Variants in ABLIM2 observed in about 807,000 individuals in gnomAD.
ABLIM2 encodes the protein actin binding LIM protein family member 2.
A neutral mutation model predicts 97.7 loss-of-function variants in ABLIM2; 53 were observed. The observed-to-expected ratio is 0.54, with a 90% CI of 0.44 to 0.68. ABLIM2 has a LOEUF of 0.68. Ranked by LOEUF, ABLIM2 falls within the 30% of genes least tolerant of loss-of-function variation. ABLIM2 has a pLI of 0.00. For synonymous variants in ABLIM2, 361 were observed against 345.8 expected, an observed-to-expected ratio of 1.04 and a Z score of -0.49; for missense variants, 835 against 867.2, an observed-to-expected ratio of 0.96 and a Z score of 0.47.
chr4:8,084,323 C>T (rs1821885667), intron 4 of ABLIM2, among the ~76,000 whole-genome samples: 1 of 152,156 alleles, frequency 6.6e-6, no homozygotes, highest in South Asian at 2.1e-4. Flanking sequence ...CCCAGGCGCA[C>T]CCAGGGGTTC....
At position 8,069,639 on chromosome 4, in the gene ABLIM2, T is replaced by C. The variant is rs866301528; in HGVS notation, c.675+7989A>G. 7.1e-4 allele frequency among the ~76,000 whole-genome samples: 108 copies of C among 152,098 alleles called. 1 individual carries two copies. In the Middle Eastern group the frequency reaches 0.027, roughly 38 times the overall value. Reference sequence around the variant, plus strand: ...TCCGTGTGTCTGTGTGTGCATCGTGTGTGCTGTCTTGGTTGTCTGTGTGCA... The same window carrying C: ...TCCGTGTGTCTGTGTGTGCATCGTGCGTGCTGTCTTGGTTGTCTGTGTGCA... On this transcript the variant is annotated intron_variant, in intron 6 of 20. Coordinates refer to ENST00000447017, the MANE Select transcript of ABLIM2 (RefSeq NM_001130083.2). This position sits in a 1 kb window ranked among gnomAD's most constrained non-coding sequence, Gnocchi z 4.2.
chr4:7,983,639 G>A, intron 18 of ABLIM2, 85 bp from the exon 19 acceptor site: 4 of 1,529,546 alleles, frequency 2.6e-6, no homozygotes. Context: ...CTGCCCTGGG[G>A]TACCCCTGTC....
In ABLIM2 at chr4:8,071,724, G is replaced by C. The variant is rs1812315086; in HGVS notation, c.675+5904C>G. 1.4e-5 allele frequency: 14 copies of C among 982,388 alleles called. No individual in the cohort carries two copies. Among genetic ancestry groups the C allele is most frequent in the Non-Finnish European group, 1.7e-5 (14 of 828,384 alleles). The allele number at this position is 982,388 out of a possible 1,614,324, so 60.9% of individuals were successfully genotyped here. ...CCACCCGCAGCCCCTCCTGGCCCCT[G>C]TGAGCCCCCATCAGCCCCTTGGAGT... On this transcript the variant is annotated intron_variant, in intron 6 of 20. Transcript: ENST00000447017. This position sits in a 1 kb window ranked among gnomAD's most constrained non-coding sequence, Gnocchi z 6.2.
rs1355369759 is a variant in ABLIM2, at chr4:8,087,502, T to G, written c.454+667A>C. ...AGCAGTGAACCCAAGGGCCCCTGACTGCGGGAGCCCGGAGCTCAGTGTTCC... is the reference window on the plus strand; with the variant it reads ...AGCAGTGAACCCAAGGGCCCCTGACGGCGGGAGCCCGGAGCTCAGTGTTCC... On this transcript the variant is annotated intron_variant, in intron 4 of 20. Transcript: ENST00000447017. This position sits in a 1 kb window ranked among gnomAD's most constrained non-coding sequence, Gnocchi z 4.6. Among the ~76,000 whole-genome samples the G allele has an allele frequency of 6.6e-6, 1 of 152,172 alleles. No individual in the cohort carries two copies. Among genetic ancestry groups the G allele is most frequent in the African/African-American group, 2.4e-5 (1 of 41,448 alleles).
intron 2 of ABLIM2, 21 bp downstream of exon 2, chr4:8,106,473 A>C: frequency 6.3e-7 from 1 of 1,582,814 alleles, no homozygotes; most frequent in Non-Finnish European, 8.6e-7. Flanking sequence ...GCCACACTGC[A>C]GGGGACCGGG....
At position 7,998,708 on chromosome 4, in the gene ABLIM2, C is replaced by T; in HGVS notation, c.1619-5781G>A. 4 of 498,388 alleles carry T rather than the reference C, an allele frequency of 8.0e-6. No homozygotes were observed. The highest frequency in any genetic ancestry group is 5.9e-5 in the South Asian group (4 of 68,220). The allele number at this position is 498,388 out of a possible 1,614,324, so 30.9% of individuals were successfully genotyped here. ...GGGAGTCTGCAGGTCTGGGCCACCT[C>T]CTGCCACTGCATGGGAGGCTGGGAG... On this transcript the variant is annotated intron_variant, in intron 16 of 20. Transcript: ENST00000447017. This position sits in a 1 kb window ranked among gnomAD's most constrained non-coding sequence, Gnocchi z 6.4.
chr4:8,145,220 G>C (rs1251237664), intron 1 of ABLIM2, among the ~76,000 whole-genome samples: 1 of 150,404 alleles, frequency 6.6e-6, no homozygotes, highest in East Asian at 2.0e-4. Flanking sequence ...GTCTCGCTCT[G>C]TCGCCCAGGC....
chr4:8,047,354 C>T (rs1443094401), intron 8 of ABLIM2, among the ~76,000 whole-genome samples: 1 of 120,958 alleles, frequency 8.3e-6, no homozygotes, highest in Non-Finnish European at 1.9e-5. Context: ...GCTGCCACCG[C>T]CTCTTCCTCC....
intron 12 of ABLIM2, among the ~76,000 whole-genome samples, chr4:8,025,219 C>T (rs186328683): frequency 5.3e-5 from 8 of 152,326 alleles, no homozygotes; most frequent in East Asian, 1.9e-4. Context: ...TGAGCCACCA[C>T]GCCTGGCCTC....
At position 8,019,509 on chromosome 4, in the gene ABLIM2, G is replaced by A. The variant is rs1380351798; in HGVS notation, c.1423+109C>T. On this transcript the variant is annotated intron_variant, in intron 14 of 20. Transcript: ENST00000447017. The surrounding 1 kb of genome is among the most constrained non-coding windows in gnomAD (Gnocchi z 4.3). ...AGTCAGACTGCTAAGGGCCTTGGTG[G>A]TGCCTTCACTGCATTTATCAGAACA... 1 of 1,070,298 alleles carries A rather than the reference G, an allele frequency of 9.3e-7. No homozygotes were observed. The highest frequency in any genetic ancestry group is 2.5e-5 in the Admixed American group (1 of 39,458). 66.3% of individuals were successfully genotyped at this position (1,070,298 alleles called of 1,614,324 possible).
intron 20 of ABLIM2, among the ~76,000 whole-genome samples, chr4:7,980,144 C>A (rs1736830252): frequency 6.6e-6 from 1 of 152,024 alleles, no homozygotes; most frequent in Non-Finnish European, 1.5e-5. Flanking sequence ...AGGAATGAAC[C>A]CCCCCTCTCT....
chr4:8,020,058 T>A (rs895610382), intron 13 of ABLIM2, 144 bp downstream of exon 13: 5 of 708,450 alleles, frequency 7.1e-6, no homozygotes, highest in Admixed American at 5.9e-5. Flanking sequence ...TTTAAAGAAA[T>A]CTCAGTGCCT....
rs1755317892 is a variant in ABLIM2 at position 7,999,001 on chromosome 4, A to G, written c.1619-6074T>C. On this transcript the variant is annotated intron_variant, in intron 16 of 20. Transcript: ENST00000447017. The surrounding 1 kb of genome is among the most constrained non-coding windows in gnomAD (Gnocchi z 4.4). ...AAGTTGGTCTCTGTTGGGGTGGACC[A>G]GCAATCTGTAGATGTTAAAGGTCCC... Among the ~76,000 whole-genome samples, 5 of 152,364 alleles carry G rather than the reference A, an allele frequency of 3.3e-5. No homozygotes were observed. The South Asian group carries it at 1.0e-3, about 32-fold the overall frequency.
In ABLIM2 at chr4:8,005,256, G is replaced by A. The variant is rs748342885; in HGVS notation, c.1618+2803C>T. The A allele has an allele frequency of 3.1e-5, 16 of 514,978 alleles. No homozygotes were observed. Among genetic ancestry groups the A allele is most frequent in the African/African-American group, 2.1e-4 (11 of 51,794 alleles). The allele number at this position is 514,978 out of a possible 1,614,324, so 31.9% of individuals were successfully genotyped here. On this transcript the variant is annotated intron_variant, in intron 16 of 20. Coordinates refer to ENST00000447017, the MANE Select transcript of ABLIM2 (RefSeq NM_001130083.2). The surrounding 1 kb of genome is among the most constrained non-coding windows in gnomAD (Gnocchi z 4.9). ...TGCACGCTTCTCCAGGTCAGGGGCT[G>A]CTCTTGTCTTCTCTGTCCCCCTCGG... is the stretch of plus-strand genomic sequence containing the variant.
chr4:8,096,010 T>C (rs1453577406), intron 3 of ABLIM2, among the ~76,000 whole-genome samples: 2 of 152,198 alleles, frequency 1.3e-5, no homozygotes, highest in East Asian at 3.9e-4. Context: ...CCTCTGGTAT[T>C]CTGCCCAACA....
At chr4:8,157,174 C>G (rs1715629381) in intron 1 of ABLIM2, among the ~76,000 whole-genome samples, 2 of 152,200 alleles carry the variant, frequency 1.3e-5, no homozygotes, top group Admixed American at 6.5e-5. Context: ...AGTCTCTGCC[C>G]CCAACTGCCC....
chr4:8,129,593 T>C (rs573875620), intron 1 of ABLIM2, among the ~76,000 whole-genome samples: 1 of 152,330 alleles, frequency 6.6e-6, no homozygotes, highest in South Asian at 2.1e-4. Flanking sequence ...CCTGAAAACT[T>C]GACACCCCAT....
In ABLIM2 at chr4:8,132,388, G is replaced by T. The variant is rs942274497; in HGVS notation, c.11-25751C>A. On this transcript the variant is annotated intron_variant, in intron 1 of 20. Coordinates refer to ENST00000447017, the MANE Select transcript of ABLIM2 (RefSeq NM_001130083.2). The surrounding 1 kb of genome is among the most constrained non-coding windows in gnomAD (Gnocchi z 8.0). ...GACAGGTGAGAGAGATTTTCACTGA[G>T]ACTTAAAGCGAGGAAGACACCAGTG... Among the ~76,000 whole-genome samples the T allele has an allele frequency of 7.9e-5, 12 of 152,338 alleles. No individual in the cohort carries two copies. The highest frequency in any genetic ancestry group is 2.9e-4 in the African/African-American group (12 of 41,558).
At chr4:7,997,944 C>T (rs1270575445) in intron 16 of ABLIM2, among the ~76,000 whole-genome samples, 5 of 151,720 alleles carry the variant, frequency 3.3e-5, no homozygotes, top group Non-Finnish European at 5.9e-5. Flanking sequence ...TGCAATGGCA[C>T]CATCTCGGCT....
Sources: gnomAD v4.1 joint callset for allele counts (sites outside exome capture counted in the v4.1 genomes callset) on GRCh38, gnomAD v4.1.1 for gene constraint, Gnocchi (gnomAD v3.1) non-coding constraint, MANE v1.5 for transcripts, NCBI Gene and HGNC (gene_info 2026-07-23, HGNC 2026-07-21) for gene names.